The following CCSER1 variants were observed in gnomAD, a reference collection of about 807,000 sequenced individuals.
CCSER1 encodes the protein serine-rich coiled-coil domain-containing protein 1.
A neutral mutation model predicts 82.0 loss-of-function variants in CCSER1; 41 were observed. That is an observed-to-expected ratio of 0.50 (90% confidence interval 0.39 to 0.65). The LOEUF is 0.65. Among genes scored for constraint, CCSER1 ranks in the 30% least tolerant of loss-of-function variants. The probability of loss-of-function intolerance (pLI) is 0.00; values close to 1 mark genes in which losing one functional copy is unlikely to be tolerated. For synonymous variants in CCSER1, 414 were observed against 383.9 expected (o/e 1.08, Z -0.92); for missense variants, 1,119 against 1,064.2 (o/e 1.05, Z -0.72).
intron 9 of CCSER1, among the ~76,000 whole-genome samples, chr4:91,007,933 T>C (rs1738666272): frequency 6.6e-6 from 1 of 152,090 alleles, no homozygotes; most frequent in Admixed American, 6.5e-5. Context: ...TTTTGATATG[T>C]TGTATTTTCA....
chr4:91,052,794 A>G (rs1479400885), intron 9 of CCSER1, among the ~76,000 whole-genome samples: 2 of 152,158 alleles, frequency 1.3e-5, no homozygotes, highest in East Asian at 3.9e-4. Context: ...GATTTACTCT[A>G]AACAGTATTT....
intron 10 of CCSER1, among the ~76,000 whole-genome samples, chr4:91,248,218 A>C (rs985931857): frequency 6.6e-6 from 1 of 152,208 alleles, no homozygotes; most frequent in Non-Finnish European, 1.5e-5. Flanking sequence ...GGAATAAACA[A>C]ATAAATGAGG....
chr4:91,436,801 A>C (rs1235156918), intron 10 of CCSER1, among the ~76,000 whole-genome samples: 1 of 152,250 alleles, frequency 6.6e-6, no homozygotes, highest in Admixed American at 6.5e-5. Flanking sequence ...AAAGCCACAG[A>C]GAAAGTCTAG....
At chr4:90,251,110 T>G (rs1341002463) in intron 1 of CCSER1, among the ~76,000 whole-genome samples, 3 of 151,956 alleles carry the variant, frequency 2.0e-5, no homozygotes, top group East Asian at 3.8e-4. Context: ...TGTGTGTTCC[T>G]TAGGAATTAT....
At chr4:90,859,134 A>C (rs184119792) in intron 8 of CCSER1, among the ~76,000 whole-genome samples, 1 of 152,010 alleles carries the variant, frequency 6.6e-6, no homozygotes, top group African/African-American at 2.4e-5. Context: ...TAGCACACAG[A>C]AACTGATCCC....
intron 10 of CCSER1, among the ~76,000 whole-genome samples, chr4:91,194,818 C>A (rs1028807880): frequency 6.6e-6 from 1 of 152,108 alleles, no homozygotes; most frequent in African/African-American, 2.4e-5. Flanking sequence ...AATGTGCAAT[C>A]CACACTGTAA....
chr4:90,136,280 G>A (rs1351108776), intron 1 of CCSER1, among the ~76,000 whole-genome samples: 2 of 152,066 alleles, frequency 1.3e-5, no homozygotes, highest in African/African-American at 4.8e-5. Flanking sequence ...ATGAGCCTAG[G>A]AGTTCGAGGC....
chr4:91,248,645 C>T (rs1473837424), intron 10 of CCSER1, among the ~76,000 whole-genome samples: 1 of 152,104 alleles, frequency 6.6e-6, no homozygotes, highest in East Asian at 1.9e-4. Flanking sequence ...ACTGTCACAG[C>T]TTAAGAGGAC....
At chr4:90,227,927 C>T (rs1187747138) in intron 1 of CCSER1, among the ~76,000 whole-genome samples, 6 of 152,220 alleles carry the variant, frequency 3.9e-5, no homozygotes, top group South Asian at 2.1e-4. Context: ...GCTTAAAAAA[C>T]GCCGCACCAG....
intron 4 of CCSER1, among the ~76,000 whole-genome samples, chr4:90,453,013 A>G (rs1197483359): frequency 6.6e-6 from 1 of 152,174 alleles, no homozygotes; most frequent in Non-Finnish European, 1.5e-5. Flanking sequence ...CAGAGTTGGG[A>G]CATAAAGGAT....
intron 3 of CCSER1, among the ~76,000 whole-genome samples, chr4:90,359,714 G>A (rs988648318): frequency 6.6e-6 from 1 of 151,394 alleles, no homozygotes; most frequent in African/African-American, 2.4e-5. Flanking sequence ...TCCAGCCTGG[G>A]CAACAGAGCA....
intron 10 of CCSER1, among the ~76,000 whole-genome samples, chr4:91,492,333 T>C (rs558583801): frequency 1.3e-5 from 2 of 151,852 alleles, no homozygotes; most frequent in African/African-American, 4.8e-5. Flanking sequence ...CAAAAGGGAG[T>C]TGCTGAATCT....
At chr4:90,412,763 A>T (rs549629303) in intron 4 of CCSER1, among the ~76,000 whole-genome samples, 60 of 152,310 alleles carry the variant, frequency 3.9e-4, no homozygotes, top group Non-Finnish European at 7.1e-4. Flanking sequence ...ACCTTAAGGT[A>T]ATAAAAGCCA....
chr4:90,474,167 A>G (rs1488663022), intron 5 of CCSER1, among the ~76,000 whole-genome samples: 3 of 151,134 alleles, frequency 2.0e-5, no homozygotes, highest in Non-Finnish European at 4.4e-5. Flanking sequence ...GCAAAAGTGT[A>G]GCTGTGGCTA....
At chr4:91,525,465 C>T (rs1452990334) in intron 10 of CCSER1, among the ~76,000 whole-genome samples, 3 of 152,134 alleles carry the variant, frequency 2.0e-5, no homozygotes, top group East Asian at 1.9e-4. Flanking sequence ...TATTAATTCA[C>T]TCTGATTATG....
intron 7 of CCSER1, among the ~76,000 whole-genome samples, chr4:90,751,463 T>C (rs966684728): frequency 6.6e-6 from 1 of 152,052 alleles, no homozygotes; most frequent in Non-Finnish European, 1.5e-5. Flanking sequence ...CTGTGTAACA[T>C]ATGGTGTTTA....
chr4:91,137,647 A>G (rs2148921912), intron 10 of CCSER1, among the ~76,000 whole-genome samples: 1 of 147,776 alleles, frequency 6.8e-6, no homozygotes, highest in South Asian at 2.2e-4. Context: ...AAGTGTTCCT[A>G]TTTCTCCACA....
chr4:90,598,309 T>C (rs1783595837), intron 5 of CCSER1, among the ~76,000 whole-genome samples: 1 of 152,178 alleles, frequency 6.6e-6, no homozygotes, highest in African/African-American at 2.4e-5. Flanking sequence ...AGGGTACATG[T>C]GCACAACGTG....
chr4:91,504,138 T>C (rs564446256), intron 10 of CCSER1, among the ~76,000 whole-genome samples: 15 of 152,256 alleles, frequency 9.9e-5, no homozygotes, highest in African/African-American at 3.6e-4. Flanking sequence ...TTTCAAGAAA[T>C]ATGAAAGTAC....
Sources: allele counts gnomAD v4.1 joint callset (sites outside exome capture counted in the v4.1 genomes callset), GRCh38; gene constraint gnomAD v4.1.1; transcripts MANE v1.5; gene names NCBI Gene and HGNC (gene_info 2026-07-23, HGNC 2026-07-21).